Variants in OGG1 observed in about 807,000 individuals in gnomAD.
OGG1 encodes 8-oxoguanine DNA glycosylase.
Under a neutral mutation model 42.3 loss-of-function variants are expected in OGG1, and 35 were observed. That is an observed-to-expected ratio of 0.83 (90% CI 0.63 to 1.10). The LOEUF (loss-of-function observed/expected upper bound fraction) is 1.10, where lower values mean the gene tolerates loss of function less well. Ranked by LOEUF, OGG1 falls within the 50% of genes least tolerant of loss-of-function variation. OGG1 has a pLI of 0.00. For synonymous variants in OGG1, 189 were observed against 179.0 expected, an observed-to-expected ratio of 1.06 and a Z score of -0.44; for missense variants, 484 against 446.7, an observed-to-expected ratio of 1.08 and a Z score of -0.75.
chr3:9,789,701 C>A (rs1327213976), downstream of OGG1: 1 of 1,611,082 alleles, frequency 6.2e-7, no homozygotes, highest in Non-Finnish European at 8.5e-7. Flanking sequence ...TCTATGTTCT[C>A]TAGCCCAGAA....
chr3:9,784,201 A>C, intron 3 of OGG1: 1 of 1,612,794 alleles, frequency 6.2e-7, no homozygotes, highest in Non-Finnish European at 8.5e-7. Context: ...CCAGGGACTT[A>C]GTATGCGGCA....
intron 3 of OGG1, chr3:9,787,685 G>A (rs2078648021): frequency 7.5e-7 from 1 of 1,339,702 alleles, no homozygotes; most frequent in Non-Finnish European, 9.8e-7. Context: ...ATTACCTTTT[G>A]TATTGCTTGA....
downstream of OGG1, among the ~76,000 whole-genome samples, chr3:9,788,930 G>A (rs1317292857): frequency 2.7e-5 from 4 of 149,500 alleles, no homozygotes; most frequent in East Asian, 7.9e-4. Context: ...CCACCTCCCG[G>A]GTCCAAGAGA....
chr3:9,759,716 GTCCTTC>G, downstream of OGG1: 1 of 1,614,086 alleles, frequency 6.2e-7, no homozygotes, highest in Non-Finnish European at 8.5e-7. Context: ...TTTTCTCTGG[GTCCTTC>G]TCCATCAAGT....
downstream of OGG1, chr3:9,761,750 T>A: frequency 6.2e-7 from 1 of 1,614,026 alleles, no homozygotes; most frequent in East Asian, 2.2e-5. Flanking sequence ...GTACAGCAGA[T>A]TCTCTGGCTT....
downstream of OGG1, chr3:9,789,408 T>C (rs2078687200): frequency 2.8e-6 from 3 of 1,074,570 alleles, no homozygotes; most frequent in African/African-American, 3.2e-5. Flanking sequence ...CTGGGCAGGG[T>C]TGGGGAAGGA....
downstream of OGG1, chr3:9,761,262 A>G (rs2077854502): frequency 3.4e-6 from 2 of 581,276 alleles, no homozygotes; most frequent in Non-Finnish European, 5.9e-6. Context: ...GTGCTGTGCT[A>G]AATTTACCCC....
At chr3:9,753,616 T>G (rs2077408031) in intron 3 of OGG1, among the ~76,000 whole-genome samples, 1 of 151,568 alleles carries the variant, frequency 6.6e-6, no homozygotes, top group South Asian at 2.1e-4. Context: ...ATCGTGCCAC[T>G]GCACTCCAGC....
chr3:9,772,183 G>A (rs1318855593), intron 2 of OGG1, among the ~76,000 whole-genome samples: 3 of 152,110 alleles, frequency 2.0e-5, no homozygotes, highest in Non-Finnish European at 2.9e-5. Flanking sequence ...GAGAGGCCTC[G>A]TGTTTTCTTT....
chr3:9,755,704 C>T (rs2077514518), intron 4 of OGG1, among the ~76,000 whole-genome samples: 1 of 152,126 alleles, frequency 6.6e-6, no homozygotes, highest in African/African-American at 2.4e-5. Flanking sequence ...TCGAGATCCA[C>T]CTGCCTCAGC....
downstream of OGG1, among the ~76,000 whole-genome samples, chr3:9,769,206 AAC>A (rs917107309): frequency 6.6e-6 from 1 of 151,126 alleles, no homozygotes; most frequent in Non-Finnish European, 1.5e-5. Context: ...TACACCCCAA[AAC>A]ACACATCCAC....
rs779177649 is a variant in OGG1, at chr3:9,750,456, C to T, written c.137+33C>T. 4.3e-6 allele frequency: 7 copies of T among 1,612,310 alleles called. No individual in the cohort carries two copies. The East Asian group carries it at 1.3e-4, about 31-fold the overall frequency. ...ACTGAGCCTGAGAAGCCTGTCCCCT[C>T]GGACTGGCTCCTGCCGCCTCAACAC... On this transcript the variant is annotated intron_variant, in intron 1 of 6. Transcript: ENST00000344629.
At chr3:9,785,255 A>G in intron 3 of OGG1, 1 of 1,369,720 alleles carries the variant, frequency 7.3e-7, no homozygotes. Context: ...CCAGGTTGAG[A>G]TGGAGAGAAG....
At chr3:9,760,208 A>T (rs879533999), downstream of OGG1, 1 of 187,738 alleles carries the variant, frequency 5.3e-6, no homozygotes, top group African/African-American at 2.4e-5. Context: ...GTGCCACTGC[A>T]CTCCAGCCTG....
chr3:9,784,017 C>G, intron 3 of OGG1: 1 of 1,611,796 alleles, frequency 6.2e-7, no homozygotes, highest in Non-Finnish European at 8.5e-7. Context: ...GTGCATCCTG[C>G]TAACGCTCAC....
At chr3:9,761,482 A>G (rs771134172), downstream of OGG1, 6 of 1,612,992 alleles carry the variant, frequency 3.7e-6, no homozygotes, top group Non-Finnish European at 3.4e-6. Flanking sequence ...GATGACACCT[A>G]TGGACCAGCA....
At chr3:9,768,354 C>A (rs541844593), downstream of OGG1, among the ~76,000 whole-genome samples, 1 of 152,380 alleles carries the variant, frequency 6.6e-6, no homozygotes, top group African/African-American at 2.4e-5. Context: ...CCCCAGACCT[C>A]TCCCTCCTGA....
At chr3:9,786,154 T>C (rs886239089) in intron 3 of OGG1, among the ~76,000 whole-genome samples, 2 of 152,156 alleles carry the variant, frequency 1.3e-5, no homozygotes, top group African/African-American at 4.8e-5. Context: ...TTAGCCAGGA[T>C]GGTCTCGATC....
At chr3:9,766,200 C>G (rs2078145886) in exon 8 of OGG1, 3 of 772,512 alleles carry the variant, frequency 3.9e-6, no homozygotes, top group Non-Finnish European at 6.7e-6. Context: ...TCTTTGCCAC[C>G]ACCTGGGGAG....
Sources: gnomAD v4.1 joint callset for allele counts (sites outside exome capture counted in the v4.1 genomes callset) on GRCh38, gnomAD v4.1.1 for gene constraint, MANE v1.5 for transcripts, NCBI Gene and HGNC (gene_info 2026-07-23, HGNC 2026-07-21) for gene names.